ACBD6: variants seen among roughly 807,000 people sequenced by gnomAD.
ACBD6 encodes the protein acyl-CoA-binding domain-containing protein 6.
A neutral mutation model predicts 37.2 loss-of-function variants in ACBD6; 28 were observed. The ratio of observed to expected loss-of-function variants is 0.75; its 90% CI spans 0.56 to 1.03. ACBD6 has a LOEUF of 1.03. Among genes scored for constraint, ACBD6 ranks in the 50% least tolerant of loss-of-function variants. ACBD6 has a pLI of 0.00. For synonymous variants in ACBD6, 113 were observed against 126.8 expected (o/e 0.89, Z 0.73); for missense variants, 340 against 337.4 (o/e 1.01, Z -0.06).
intron 3 of ACBD6, among the ~76,000 whole-genome samples, chr1:180,486,573 C>T (rs1651271524): frequency 6.6e-6 from 1 of 152,114 alleles, no homozygotes; most frequent in Non-Finnish European, 1.5e-5. Context: ...AAAGTCCATC[C>T]TTACAGTGGA....
At chr1:180,451,188 G>A (rs1649688787) in intron 3 of ACBD6, among the ~76,000 whole-genome samples, 1 of 152,152 alleles carries the variant, frequency 6.6e-6, no homozygotes, top group Non-Finnish European at 1.5e-5. Context: ...AATGCAAATT[G>A]AAATCACAAC....
chr1:180,494,528 C>T (rs776816596), intron 2 of ACBD6, among the ~76,000 whole-genome samples: 2 of 152,114 alleles, frequency 1.3e-5, no homozygotes, highest in African/African-American at 4.8e-5. Flanking sequence ...TAGTGACATA[C>T]GTGATTTATA....
chr1:180,307,134 G>C (rs1354135739), intron 7 of ACBD6, among the ~76,000 whole-genome samples: 1 of 152,182 alleles, frequency 6.6e-6, no homozygotes, highest in African/African-American at 2.4e-5. Flanking sequence ...AATGGATAAA[G>C]AAAATGTGGT....
At chr1:180,473,446 CAA>C (rs5779059) in intron 3 of ACBD6, among the ~76,000 whole-genome samples, 8 of 81,582 alleles carry the variant, frequency 9.8e-5, no homozygotes, top group Admixed American at 2.6e-4. Context: ...GACTCCGTCT[CAA>C]AAAAAAAAAA....
intron 3 of ACBD6, among the ~76,000 whole-genome samples, chr1:180,453,960 T>C (rs979439717): frequency 1.3e-5 from 2 of 152,202 alleles, no homozygotes; most frequent in African/African-American, 4.8e-5. Flanking sequence ...AAAAGTAATT[T>C]ATAGATTCAA....
intron 5 of ACBD6, among the ~76,000 whole-genome samples, chr1:180,411,949 C>T (rs375305072): frequency 1.3e-5 from 2 of 152,050 alleles, no homozygotes; most frequent in African/African-American, 2.4e-5. Flanking sequence ...GGATTACAGG[C>T]GTGAGCCACC....
intron 6 of ACBD6, among the ~76,000 whole-genome samples, chr1:180,386,611 C>A (rs1057506664): frequency 4.6e-5 from 7 of 152,204 alleles, no homozygotes; most frequent in Non-Finnish European, 2.9e-5. Flanking sequence ...CTGTTAATTT[C>A]TTTTCCATCT....
intron 6 of ACBD6, among the ~76,000 whole-genome samples, chr1:180,381,746 A>G (rs886984614): frequency 6.6e-6 from 1 of 152,208 alleles, no homozygotes; most frequent in East Asian, 1.9e-4. Flanking sequence ...TTATAGCAAT[A>G]TAAACCTTCA....
At chr1:180,419,353 G>A (rs1461378573) in intron 4 of ACBD6, among the ~76,000 whole-genome samples, 2 of 152,108 alleles carry the variant, frequency 1.3e-5, no homozygotes, top group East Asian at 3.8e-4. Flanking sequence ...TTTTTTTCAT[G>A]TTAACATCTC....
At chr1:180,403,246 C>T (rs1474372965) in intron 5 of ACBD6, among the ~76,000 whole-genome samples, 1 of 152,148 alleles carries the variant, frequency 6.6e-6, no homozygotes, top group African/African-American at 2.4e-5. Flanking sequence ...CAGCAATGTT[C>T]TATATCTTGA....
At chr1:180,438,557 CA>C (rs199948105) in intron 3 of ACBD6, among the ~76,000 whole-genome samples, 4 of 151,226 alleles carry the variant, frequency 2.6e-5, no homozygotes, top group Non-Finnish European at 1.5e-5. Flanking sequence ...CGTGGTAGTT[CA>C]AAAAAAATAA....
intron 3 of ACBD6, among the ~76,000 whole-genome samples, chr1:180,451,533 T>C (rs1649706351): frequency 6.6e-6 from 1 of 152,178 alleles, no homozygotes; most frequent in Admixed American, 6.5e-5. Flanking sequence ...TACAATAGAA[T>C]ACTACTCATC....
At chr1:180,481,945 TAGTC>T (rs1162240813) in intron 3 of ACBD6, among the ~76,000 whole-genome samples, 1 of 152,180 alleles carries the variant, frequency 6.6e-6, no homozygotes, top group Non-Finnish European at 1.5e-5. Flanking sequence ...TCAAGTTCGA[TAGTC>T]AGGTGAATTT....
chr1:180,436,968 G>A (rs1233675144), intron 3 of ACBD6, among the ~76,000 whole-genome samples: 1 of 152,122 alleles, frequency 6.6e-6, no homozygotes, highest in Non-Finnish European at 1.5e-5. Flanking sequence ...ATGGTATCCA[G>A]GCCAATGTTA....
chr1:180,274,866 G>GGGCTT (rs1449108390), exon 10 of ACBD6: 4 of 327,024 alleles, frequency 1.2e-5, no homozygotes, highest in African/African-American at 2.1e-5. Flanking sequence ...TTCTGCTTAG[G>GGGCTT]GGCTTGGCTG....
At chr1:180,402,771 C>T (rs1258299775) in intron 5 of ACBD6, among the ~76,000 whole-genome samples, 1 of 150,398 alleles carries the variant, frequency 6.6e-6, no homozygotes, top group East Asian at 2.0e-4. Flanking sequence ...GTACTCCAGC[C>T]TACGCAACAC....
At chr1:180,457,442 G>C (rs1431627726) in intron 3 of ACBD6, among the ~76,000 whole-genome samples, 2 of 151,858 alleles carry the variant, frequency 1.3e-5, no homozygotes, top group South Asian at 2.1e-4. Context: ...CCTACGGGGA[G>C]AAACGTCTCT....
intron 3 of ACBD6, among the ~76,000 whole-genome samples, chr1:180,475,333 C>CG (rs1279794261): frequency 6.6e-6 from 1 of 152,110 alleles, no homozygotes; most frequent in Non-Finnish European, 1.5e-5. Flanking sequence ...TTTGTATCCC[C>CG]GGGCAACCAC....
At chr1:180,444,651 G>A (rs941271062) in intron 3 of ACBD6, among the ~76,000 whole-genome samples, 1 of 152,128 alleles carries the variant, frequency 6.6e-6, no homozygotes, top group Non-Finnish European at 1.5e-5. Context: ...TTTCATAGAG[G>A]CTTAGAAGTT....
Sources: allele counts gnomAD v4.1 joint callset (sites outside exome capture counted in the v4.1 genomes callset), GRCh38; gene constraint gnomAD v4.1.1; transcripts MANE v1.5; gene names NCBI Gene and HGNC (gene_info 2026-07-23, HGNC 2026-07-21).